Variants in KRABD2 observed in about 807,000 individuals in gnomAD.
KRABD2 encodes KRAB domain-containing protein 2.
the KRABD2 span, chr17:8,370,379 G>A: frequency 1.3e-6 from 2 of 1,554,072 alleles, no homozygotes. Context: ...AGAGCTGTAA[G>A]AAGGATCCTA....
chr17:8,369,254 C>A, the KRABD2 span: 2 of 1,614,214 alleles, frequency 1.2e-6, no homozygotes, highest in Non-Finnish European at 8.5e-7. Context: ...TTTCTTCCTG[C>A]CTGATCCAAA....
chr17:8,373,149 C>CTCTCCCTCTCTCCG, the KRABD2 span, among the ~76,000 whole-genome samples: 1 of 150,082 alleles, frequency 6.7e-6, no homozygotes, highest in Non-Finnish European at 1.5e-5. Flanking sequence ...CTCTCTCCCT[C>CTCTCCCTCTCTCCG]TCTCCGTCTC....
At chr17:8,367,957 CAAAAA>C in the KRABD2 span, among the ~76,000 whole-genome samples, 1 of 86,506 alleles carries the variant, frequency 1.2e-5, no homozygotes, top group Non-Finnish European at 2.3e-5. Context: ...AAGTTAAGAG[CAAAAA>C]AAAAAAAAAA....
the KRABD2 span, chr17:8,371,990 A>G: frequency 1.0e-6 from 1 of 985,892 alleles, no homozygotes; most frequent in Non-Finnish European, 1.2e-6. Context: ...AGGGGAGTTC[A>G]CATGAGGACT....
the KRABD2 span, chr17:8,369,525 C>A: frequency 6.2e-7 from 1 of 1,614,120 alleles, no homozygotes; most frequent in South Asian, 1.1e-5. Flanking sequence ...ACGGCTTGCT[C>A]CTTCCAGGGA....
the KRABD2 span, chr17:8,369,425 A>T: frequency 3.7e-6 from 6 of 1,614,228 alleles, no homozygotes; most frequent in Non-Finnish European, 5.1e-6. Context: ...CGAAAGCCTG[A>T]TTCCTCACCA....
the KRABD2 span, among the ~76,000 whole-genome samples, chr17:8,359,130 C>T: frequency 6.6e-6 from 1 of 152,190 alleles, no homozygotes; most frequent in African/African-American, 2.4e-5. Flanking sequence ...GAATGCCCCT[C>T]AATCTGGGTT....
the KRABD2 span, among the ~76,000 whole-genome samples, chr17:8,367,421 C>G: frequency 6.6e-6 from 1 of 151,844 alleles, no homozygotes. Context: ...ATCGCTTAAA[C>G]CTGGGAGGCG....
At chr17:8,366,568 C>T in the KRABD2 span, among the ~76,000 whole-genome samples, 1 of 152,184 alleles carries the variant, frequency 6.6e-6, no homozygotes, top group Non-Finnish European at 1.5e-5. Context: ...ATATATGTTT[C>T]ATGCAGTTAC....
At chr17:8,372,650 G>A in the KRABD2 span, among the ~76,000 whole-genome samples, 2 of 152,354 alleles carry the variant, frequency 1.3e-5, no homozygotes, top group East Asian at 3.9e-4. The surrounding 1 kb of genome is among the most constrained non-coding windows in gnomAD (Gnocchi z 4.1). Flanking sequence ...TCCAGAAAAA[G>A]CACCTTCCAG....
chr17:8,364,385 C>T, the KRABD2 span, among the ~76,000 whole-genome samples: 1 of 152,146 alleles, frequency 6.6e-6, no homozygotes, highest in Non-Finnish European at 1.5e-5. The surrounding 1 kb of genome is among the most constrained non-coding windows in gnomAD (Gnocchi z 4.4). Flanking sequence ...GAAACAGGGT[C>T]TCTGTCACCC....
the KRABD2 span, chr17:8,375,894 A>T: frequency 1.6e-6 from 2 of 1,228,270 alleles, no homozygotes; most frequent in South Asian, 8.5e-5. Flanking sequence ...TACTCCCTTC[A>T]CCCACCTGTG....
chr17:8,368,107 T>A, the KRABD2 span, among the ~76,000 whole-genome samples: 130 of 149,294 alleles, frequency 8.7e-4, no homozygotes, highest in African/African-American at 2.5e-3. Context: ...AAAAAAAAAA[T>A]AAATAAATAA....
At chr17:8,372,371 C>CT in the KRABD2 span, among the ~76,000 whole-genome samples, 4 of 152,178 alleles carry the variant, frequency 2.6e-5, no homozygotes, top group African/African-American at 9.6e-5. This position sits in a 1 kb window ranked among gnomAD's most constrained non-coding sequence, Gnocchi z 4.1. Flanking sequence ...CATTCTTTTT[C>CT]TTTTTTTGTA....
At chr17:8,366,374 G>T in the KRABD2 span, among the ~76,000 whole-genome samples, 2 of 152,128 alleles carry the variant, frequency 1.3e-5, no homozygotes, top group African/African-American at 4.8e-5. Context: ...AGGTAGAGCA[G>T]TGATCTCAGG....
the KRABD2 span, among the ~76,000 whole-genome samples, chr17:8,363,815 CATATATATATCATACATATATATAT>C: frequency 9.8e-6 from 1 of 101,548 alleles, no homozygotes; most frequent in African/African-American, 4.0e-5. Context: ...ATATATCATA[CATATATATATCATACATATATATAT>C]ATATATATAT....
At chr17:8,371,617 C>T in the KRABD2 span, 2 of 1,455,094 alleles carry the variant, frequency 1.4e-6, no homozygotes, top group Non-Finnish European at 1.8e-6. Flanking sequence ...AAGATGAGTA[C>T]AGCTTCATGG....
the KRABD2 span, among the ~76,000 whole-genome samples, chr17:8,367,924 G>T: frequency 4.4e-5 from 4 of 91,020 alleles, no homozygotes; most frequent in South Asian, 7.5e-4. Context: ...ACCCAAGAAT[G>T]ATCAATTAAA....
At chr17:8,376,131 C>T in the KRABD2 span, 1 of 1,231,738 alleles carries the variant, frequency 8.1e-7, no homozygotes, top group Non-Finnish European at 1.0e-6. Context: ...GAGGCTTCTA[C>T]CTGCCTGTAC....
Sources: gnomAD v4.1 joint callset for allele counts (sites outside exome capture counted in the v4.1 genomes callset) on GRCh38, gnomAD v4.1.1 for gene constraint, Gnocchi (gnomAD v3.1) non-coding constraint, MANE v1.5 for transcripts, NCBI Gene and HGNC (gene_info 2026-07-23, HGNC 2026-07-21) for gene names.